The following CADPS2 variants were observed in gnomAD, a reference collection of about 807,000 sequenced individuals.
The protein encoded by CADPS2 is calcium-dependent secretion activator 2.
Under a neutral mutation model 172.5 loss-of-function variants are expected in CADPS2, and 93 were observed. The ratio of observed to expected loss-of-function variants is 0.54; its 90% CI spans 0.46 to 0.64. The LOEUF (loss-of-function observed/expected upper bound fraction) is 0.64, where lower values mean the gene tolerates loss of function less well. Among genes scored for constraint, CADPS2 ranks in the 30% least tolerant of loss-of-function variants. The probability of loss-of-function intolerance (pLI) is 0.00; values close to 1 mark genes in which losing one functional copy is unlikely to be tolerated. For synonymous variants in CADPS2, 546 were observed against 555.2 expected, an observed-to-expected ratio of 0.98 and a Z score of 0.23; for missense variants, 1,420 against 1,565.9, an observed-to-expected ratio of 0.91 and a Z score of 1.57.
chr7:122,706,118 G>T, intron 2 of CADPS2, among the ~76,000 whole-genome samples: 2 of 63,068 alleles, frequency 3.2e-5, no homozygotes, highest in Non-Finnish European at 5.6e-5. Context: ...ATATATTCAA[G>T]GAATATATAT....
chr7:122,392,554 C>T lies in CADPS2; in HGVS notation c.3008+642G>A, dbSNP rs538218677. Among the ~76,000 whole-genome samples the T allele has an allele frequency of 2.6e-5, 4 of 152,134 alleles. No homozygotes were observed. The East Asian group carries it at 7.7e-4, about 29-fold the overall frequency. Reference sequence around the variant, plus strand: ...CCCATTCCTGTTCACTTCAGTGGTTCTTAGTTGCTGATTCTGCAATAGGCA... The same window carrying T: ...CCCATTCCTGTTCACTTCAGTGGTTTTTAGTTGCTGATTCTGCAATAGGCA... On this transcript the variant is annotated intron_variant, in intron 22 of 29. Coordinates refer to ENST00000449022, the MANE Select transcript of CADPS2 (RefSeq NM_017954.11).
chr7:122,852,584 G>A (rs1813972314), intron 1 of CADPS2, among the ~76,000 whole-genome samples: 1 of 152,106 alleles, frequency 6.6e-6, no homozygotes, highest in African/African-American at 2.4e-5. Flanking sequence ...AGGTGAGGGA[G>A]AGATGCCTGG....
At chr7:122,320,837 T>C (rs552448589) in intron 29 of CADPS2, among the ~76,000 whole-genome samples, 3 of 152,332 alleles carry the variant, frequency 2.0e-5, no homozygotes, top group Non-Finnish European at 4.4e-5. Flanking sequence ...TTCAGTGAAT[T>C]ATAAAATTTA....
chr7:122,511,242 A>G (rs2059980494), intron 9 of CADPS2, among the ~76,000 whole-genome samples: 1 of 151,074 alleles, frequency 6.6e-6, no homozygotes, highest in Non-Finnish European at 1.5e-5. Context: ...TCCCCCAAAA[A>G]CCTACCAATT....
At chr7:122,450,269 A>T (rs1027031925) in intron 15 of CADPS2, among the ~76,000 whole-genome samples, 2 of 152,264 alleles carry the variant, frequency 1.3e-5, no homozygotes, top group Admixed American at 1.3e-4. Context: ...GAGCATATTC[A>T]CTAAGTTTAT....
At chr7:122,571,734 T>C (rs976518867) in intron 7 of CADPS2, among the ~76,000 whole-genome samples, 3 of 152,190 alleles carry the variant, frequency 2.0e-5, no homozygotes, top group Non-Finnish European at 4.4e-5. Context: ...GAGATATGAT[T>C]ATAAAGTCTC....
At chr7:122,724,765 T>C (rs1243441194) in intron 2 of CADPS2, among the ~76,000 whole-genome samples, 1 of 152,042 alleles carries the variant, frequency 6.6e-6, no homozygotes, top group African/African-American at 2.4e-5. Flanking sequence ...GTTTAAATTC[T>C]ATTTCCTCTG....
At position 122,376,060 on chromosome 7, in the gene CADPS2, C is replaced by T. The variant is rs143102522; in HGVS notation, c.3387+3308G>A. 2.6e-4 allele frequency among the ~76,000 whole-genome samples: 39 copies of T among 152,170 alleles called. No individual in the cohort carries two copies. The East Asian group carries it at 6.0e-3, about 23-fold the overall frequency. On this transcript the variant is annotated intron_variant, in intron 25 of 29. Coordinates refer to ENST00000449022, the MANE Select transcript of CADPS2 (RefSeq NM_017954.11). ...TATTAGCTCACATCTGTTTGGATGG[C>T]TATTATCAACAACCCAAAAGATAAC...
At chr7:122,401,654 C>T (rs1234627376) in intron 20 of CADPS2, among the ~76,000 whole-genome samples, 1 of 152,198 alleles carries the variant, frequency 6.6e-6, no homozygotes, top group Non-Finnish European at 1.5e-5. Context: ...TTGAATACAT[C>T]TCTCTTTCAA....
chr7:122,631,994 A>G (rs556995871), intron 3 of CADPS2, among the ~76,000 whole-genome samples: 4 of 152,270 alleles, frequency 2.6e-5, no homozygotes, highest in South Asian at 2.1e-4. Context: ...TTCCAGCTGC[A>G]TCGACATTGC....
chr7:122,588,694 G>A (rs1288678200), intron 6 of CADPS2, among the ~76,000 whole-genome samples: 2 of 151,800 alleles, frequency 1.3e-5, no homozygotes, highest in Admixed American at 1.3e-4. Context: ...TTCCTGCACT[G>A]GACTTTAACT....
intron 1 of CADPS2, among the ~76,000 whole-genome samples, chr7:122,851,816 G>C (rs377362229): frequency 4.6e-5 from 7 of 152,118 alleles, no homozygotes; most frequent in African/African-American, 1.4e-4. Context: ...CCTCCCACTA[G>C]ATCCCTCCCA....
At chr7:122,374,795 C>T (rs2042161298) in intron 25 of CADPS2, among the ~76,000 whole-genome samples, 1 of 152,082 alleles carries the variant, frequency 6.6e-6, no homozygotes, top group African/African-American at 2.4e-5. Flanking sequence ...ATGGGTGCAA[C>T]AACCACTATG....
intron 1 of CADPS2, among the ~76,000 whole-genome samples, chr7:122,758,338 T>C (rs1176955544): frequency 6.6e-6 from 1 of 152,186 alleles, no homozygotes; most frequent in Admixed American, 6.5e-5. Context: ...GCAAACCTTT[T>C]AGAAGTTGAA....
intron 25 of CADPS2, among the ~76,000 whole-genome samples, chr7:122,375,748 A>AT (rs2042264014): frequency 6.6e-6 from 1 of 152,054 alleles, no homozygotes; most frequent in Admixed American, 6.5e-5. Flanking sequence ...GCAACAAAAT[A>AT]TTTTTTAAAA....
intron 2 of CADPS2, among the ~76,000 whole-genome samples, chr7:122,704,004 A>T (rs1289861304): frequency 6.6e-6 from 1 of 152,116 alleles, no homozygotes; most frequent in South Asian, 2.1e-4. Context: ...AGGAGCCAAT[A>T]AATTGGCAAC....
At chr7:122,488,487 T>C (rs552919897) in intron 11 of CADPS2, among the ~76,000 whole-genome samples, 54 of 152,346 alleles carry the variant, frequency 3.5e-4, no homozygotes, top group African/African-American at 1.0e-3. Flanking sequence ...AAGGAATTCA[T>C]AGGTGTCTGG....
chr7:122,826,370 A>G (rs1804873712), intron 1 of CADPS2, among the ~76,000 whole-genome samples: 1 of 152,222 alleles, frequency 6.6e-6, no homozygotes, highest in South Asian at 2.1e-4. Context: ...CAACATCCCA[A>G]GTCTCATAAC....
chr7:122,480,294 AT>A (rs1289775832), intron 12 of CADPS2, among the ~76,000 whole-genome samples: 1 of 130,570 alleles, frequency 7.7e-6, no homozygotes, highest in Non-Finnish European at 1.7e-5. Context: ...GTTAGATTTT[AT>A]AATTTTTTTT....
Sources: gnomAD v4.1 joint callset for allele counts (sites outside exome capture counted in the v4.1 genomes callset) on GRCh38, gnomAD v4.1.1 for gene constraint, MANE v1.5 for transcripts, NCBI Gene and HGNC (gene_info 2026-07-23, HGNC 2026-07-21) for gene names.